Variants in KIRREL3 observed in about 807,000 individuals in gnomAD.
KIRREL3 encodes the protein kin of IRRE-like protein 3.
KIRREL3 carries 36 observed loss-of-function variants against 89.7 expected under a neutral mutation model. That is an observed-to-expected ratio of 0.40 (90% CI 0.31 to 0.53). The LOEUF (loss-of-function observed/expected upper bound fraction) is 0.53, where lower values mean the gene tolerates loss of function less well. Ranked by LOEUF, KIRREL3 falls within the 20% of genes least tolerant of loss-of-function variation. The pLI, the probability that KIRREL3 is intolerant of heterozygous loss-of-function variation, is 0.49. For missense variants in KIRREL3, 864 were observed against 1,056.6 expected, an observed-to-expected ratio of 0.82 and a Z score of 2.53; for synonymous variants, 445 against 441.4, an observed-to-expected ratio of 1.01 and a Z score of -0.10.
intron 4 of KIRREL3, among the ~76,000 whole-genome samples, chr11:126,503,276 G>A (rs914377948): frequency 3.9e-5 from 6 of 152,200 alleles, no homozygotes; most frequent in Non-Finnish European, 8.8e-5. Flanking sequence ...ACCAAAGGCA[G>A]CAATGGAGTA....
chr11:126,478,454 C>T lies in KIRREL3; in HGVS notation c.434-4988G>A, dbSNP rs1011456299. Among the ~76,000 whole-genome samples, 11 of 146,552 alleles carry T rather than the reference C, an allele frequency of 7.5e-5. 1 individual carries two copies. Among genetic ancestry groups the T allele is most frequent in the African/African-American group, 1.8e-4 (7 of 39,872 alleles). On this transcript the variant is annotated intron_variant, in intron 4 of 16. Transcript: ENST00000525144. ...CTCAGAAGGGGAGTGGGGATGGGGC[C>T]GGGGGGACGGTTATCATGGGCTTTG... is the stretch of plus-strand genomic sequence containing the variant.
Position 126,705,316 on chromosome 11 carries a change from G to A in KIRREL3, c.56-142404C>T, listed in dbSNP as rs1020713095. ...AGGTGGGGCCTGGTGGGAGGTGATT[G>A]GGTCATGAGGTCGGATTCCTCAGGA... is the stretch of plus-strand genomic sequence containing the variant. On this transcript the variant is annotated intron_variant, in intron 1 of 16. Coordinates refer to ENST00000525144, the MANE Select transcript of KIRREL3 (RefSeq NM_032531.4). The surrounding 1 kb of genome is among the most constrained non-coding windows in gnomAD (Gnocchi z 4.3). 3.3e-5 allele frequency among the ~76,000 whole-genome samples: 5 copies of A among 152,174 alleles called. No individual in the cohort carries two copies. The highest frequency in any genetic ancestry group is 1.2e-4 in the African/African-American group (5 of 41,438).
intron 1 of KIRREL3, among the ~76,000 whole-genome samples, chr11:126,809,455 G>A (rs1047526399): frequency 2.0e-5 from 3 of 152,186 alleles, no homozygotes; most frequent in Non-Finnish European, 4.4e-5. Flanking sequence ...GGGAGATAGG[G>A]TAGACAGGTA....
intron 1 of KIRREL3, among the ~76,000 whole-genome samples, chr11:126,821,329 G>GTATATATATATATATATATATATATATA (rs6144553): frequency 1.1e-3 from 114 of 103,400 alleles, no homozygotes; most frequent in African/African-American, 2.1e-3. Context: ...GATAAACACA[G>GTATATATATATATATATATATATATATA]TATATATATA....
chr11:126,799,717 C>A (rs1405576949), intron 1 of KIRREL3, among the ~76,000 whole-genome samples: 6 of 152,054 alleles, frequency 3.9e-5, no homozygotes, highest in Admixed American at 3.9e-4. Context: ...ATGGCAGAAC[C>A]TTTTCTTCCT....
rs1355789452 is a variant in KIRREL3, at chr11:126,897,667, G to A, written c.55+102788C>T. ...ACATTTGCAGCAAAGCTTATTTTCTGAAGATAGATAATTTGGTTAAATCTT... is the reference window on the plus strand; with the variant it reads ...ACATTTGCAGCAAAGCTTATTTTCTAAAGATAGATAATTTGGTTAAATCTT... On this transcript the variant is annotated intron_variant, in intron 1 of 16. Transcript: ENST00000525144. This position sits in a 1 kb window ranked among gnomAD's most constrained non-coding sequence, Gnocchi z 4.2. Among the ~76,000 whole-genome samples, 2 of 152,200 alleles carry A rather than the reference G, an allele frequency of 1.3e-5. No individual in the cohort carries two copies. Among genetic ancestry groups the A allele is most frequent in the Non-Finnish European group, 2.9e-5 (2 of 68,040 alleles).
chr11:126,881,356 C>T (rs1188306031), intron 1 of KIRREL3, among the ~76,000 whole-genome samples: 5 of 152,108 alleles, frequency 3.3e-5, no homozygotes, highest in Non-Finnish European at 4.4e-5. Flanking sequence ...GCAGAGCCCA[C>T]AAACGGGCTG....
In KIRREL3 at chr11:126,723,078, C is replaced by T. The variant is rs765970093; in HGVS notation, c.56-160166G>A. Among the ~76,000 whole-genome samples the T allele has an allele frequency of 3.7e-4, 57 of 152,112 alleles. 1 individual carries two copies. Among genetic ancestry groups the T allele is most frequent in the Non-Finnish European group, 2.5e-4 (17 of 68,026 alleles). On this transcript the variant is annotated intron_variant, in intron 1 of 16. Transcript: ENST00000525144. This position sits in a 1 kb window ranked among gnomAD's most constrained non-coding sequence, Gnocchi z 4.0. ...TGCACATAGTGTACGGTAGGTATTGCGGTATTTGACACATGTTGGACTCTC... is the reference window on the plus strand; with the variant it reads ...TGCACATAGTGTACGGTAGGTATTGTGGTATTTGACACATGTTGGACTCTC...
chr11:126,676,825 T>C lies in KIRREL3; in HGVS notation c.56-113913A>G, dbSNP rs1436792337. Among the ~76,000 whole-genome samples the C allele has an allele frequency of 3.3e-5, 5 of 151,828 alleles. No individual in the cohort carries two copies. Among genetic ancestry groups the C allele is most frequent in the African/African-American group, 1.2e-4 (5 of 41,356 alleles). ...TTTGAGACAGAGTCTCCCTCTGCCA[T>C]CTGGACTGGTATACAGTGGCTCAAC... On this transcript the variant is annotated intron_variant, in intron 1 of 16. Coordinates refer to ENST00000525144, the MANE Select transcript of KIRREL3 (RefSeq NM_032531.4). The surrounding 1 kb of genome is among the most constrained non-coding windows in gnomAD (Gnocchi z 4.5).
At position 126,490,334 on chromosome 11, in the gene KIRREL3, T is replaced by G. The variant is rs964431692; in HGVS notation, c.434-16868A>C. On this transcript the variant is annotated intron_variant, in intron 4 of 16. Transcript: ENST00000525144. This position sits in a 1 kb window ranked among gnomAD's most constrained non-coding sequence, Gnocchi z 4.2. Reference sequence around the variant, plus strand: ...ACTGGACACAGCCGCTAGGGAGAGGTGAGCAGAGCTTTCTCCCCATGAAGT... The same window carrying G: ...ACTGGACACAGCCGCTAGGGAGAGGGGAGCAGAGCTTTCTCCCCATGAAGT... Among the ~76,000 whole-genome samples the G allele has an allele frequency of 2.6e-5, 4 of 151,946 alleles. No homozygotes were observed. Among genetic ancestry groups the G allele is most frequent in the African/African-American group, 9.7e-5 (4 of 41,326 alleles).
chr11:126,610,428 C>T lies in KIRREL3; in HGVS notation c.56-47516G>A, dbSNP rs1043372998. 1.5e-4 allele frequency among the ~76,000 whole-genome samples: 23 copies of T among 152,184 alleles called. No homozygotes were observed. The highest frequency in any genetic ancestry group is 5.5e-4 in the African/African-American group (23 of 41,444). On this transcript the variant is annotated intron_variant, in intron 1 of 16. Coordinates refer to ENST00000525144, the MANE Select transcript of KIRREL3 (RefSeq NM_032531.4). The surrounding 1 kb of genome is among the most constrained non-coding windows in gnomAD (Gnocchi z 4.6). ...TTTAACAGTTTCCCAAGCAATGCTT[C>T]ATATTCACAAATGAACACATTAGGC... is the stretch of plus-strand genomic sequence containing the variant.
chr11:126,941,524 G>T (rs925110465), intron 1 of KIRREL3, among the ~76,000 whole-genome samples: 7 of 152,170 alleles, frequency 4.6e-5, no homozygotes, highest in Non-Finnish European at 1.0e-4. Context: ...AGCCAGCCTC[G>T]CATGGTGCAT....
rs1958729096 is a variant in KIRREL3, at chr11:126,525,715, T to C, written c.283+823A>G. Among the ~76,000 whole-genome samples the C allele has an allele frequency of 6.6e-6, 1 of 152,142 alleles. No individual in the cohort carries two copies. Among genetic ancestry groups the C allele is most frequent in the Non-Finnish European group, 1.5e-5 (1 of 68,026 alleles). The stretch of plus-strand genomic sequence containing the variant: ...ACACCCAGAGGTCCCTGCTTGTGAA[T>C]TTTACTGTGTACGCCAAGCCTAGCA... On this transcript the variant is annotated intron_variant, in intron 3 of 16. Coordinates refer to ENST00000525144, the MANE Select transcript of KIRREL3 (RefSeq NM_032531.4). The surrounding 1 kb of genome is among the most constrained non-coding windows in gnomAD (Gnocchi z 5.4).
Position 126,455,309 on chromosome 11 carries a change from C to T in KIRREL3, c.848+1040G>A, listed in dbSNP as rs1482052802. Among the ~76,000 whole-genome samples, 1 of 152,184 alleles carries T rather than the reference C, an allele frequency of 6.6e-6. No individual in the cohort carries two copies. The highest frequency in any genetic ancestry group is 1.5e-5 in the Non-Finnish European group (1 of 68,032). Reference sequence around the variant, plus strand: ...TCACTTAGTCTCCTAGAGTCTTGTGCAGTGACAGTGCCCAGGCAGAAAGGC... The same window carrying T: ...TCACTTAGTCTCCTAGAGTCTTGTGTAGTGACAGTGCCCAGGCAGAAAGGC... On this transcript the variant is annotated intron_variant, in intron 7 of 16. Coordinates refer to ENST00000525144, the MANE Select transcript of KIRREL3 (RefSeq NM_032531.4). This position sits in a 1 kb window ranked among gnomAD's most constrained non-coding sequence, Gnocchi z 6.4.
At chr11:126,777,426 T>C (rs1950199533) in intron 1 of KIRREL3, among the ~76,000 whole-genome samples, 1 of 152,014 alleles carries the variant, frequency 6.6e-6, no homozygotes, top group Admixed American at 6.5e-5. Flanking sequence ...AAAATGTAGG[T>C]TGGAGCCAGG....
chr11:126,547,630 C>T (rs1438053930), intron 2 of KIRREL3, among the ~76,000 whole-genome samples: 1 of 152,190 alleles, frequency 6.6e-6, no homozygotes, highest in Non-Finnish European at 1.5e-5. Flanking sequence ...AGAAAATTCA[C>T]TCAATATTAG....
intron 1 of KIRREL3, among the ~76,000 whole-genome samples, chr11:126,907,035 A>C (rs1375281513): frequency 6.6e-6 from 1 of 152,306 alleles, no homozygotes; most frequent in East Asian, 1.9e-4. Flanking sequence ...ATGCATGTCA[A>C]CCCATTCCTC....
intron 2 of KIRREL3, among the ~76,000 whole-genome samples, chr11:126,543,073 G>A (rs1422829455): frequency 6.6e-6 from 1 of 152,040 alleles, no homozygotes; most frequent in Non-Finnish European, 1.5e-5. Flanking sequence ...TGTCCCCCGT[G>A]AATATACCCT....
At chr11:126,794,152 C>T (rs527242018) in intron 1 of KIRREL3, among the ~76,000 whole-genome samples, 1 of 152,298 alleles carries the variant, frequency 6.6e-6, no homozygotes, top group East Asian at 1.9e-4. Flanking sequence ...CAACAGAATT[C>T]AGATATTTCT....
Sources: allele counts gnomAD v4.1 joint callset (sites outside exome capture counted in the v4.1 genomes callset), GRCh38; gene constraint gnomAD v4.1.1; non-coding constraint Gnocchi (gnomAD v3.1); transcripts MANE v1.5; gene names NCBI Gene and HGNC (gene_info 2026-07-23, HGNC 2026-07-21).